Variants in HS3ST5 observed in about 807,000 individuals in gnomAD.
HS3ST5 encodes heparan sulfate glucosamine 3-O-sulfotransferase 5.
HS3ST5 carries 10 observed loss-of-function variants against 25.4 expected under a neutral mutation model. The observed-to-expected ratio is 0.39, with a 90% CI of 0.24 to 0.67. HS3ST5 has a LOEUF of 0.67. Among genes scored for constraint, HS3ST5 ranks in the 30% least tolerant of loss-of-function variants. HS3ST5 has a pLI of 0.44. For synonymous variants in HS3ST5, 170 were observed against 162.4 expected, an observed-to-expected ratio of 1.05 and a Z score of -0.36; for missense variants, 324 against 420.7, an observed-to-expected ratio of 0.77 and a Z score of 2.01.
intron 3 of HS3ST5, among the ~76,000 whole-genome samples, chr6:114,140,670 A>G (rs1777859706): frequency 6.6e-6 from 1 of 152,192 alleles, no homozygotes. Flanking sequence ...CCAACGGTAC[A>G]CAGAAGAGCA....
intron 1 of HS3ST5, among the ~76,000 whole-genome samples, chr6:114,326,451 C>T (rs951910468): frequency 3.3e-5 from 5 of 152,114 alleles, no homozygotes; most frequent in Non-Finnish European, 5.9e-5. Flanking sequence ...ATGACTGAAA[C>T]AGGAATGACA....
At chr6:114,339,363 G>C (rs149588917) in intron 1 of HS3ST5, among the ~76,000 whole-genome samples, 1 of 152,068 alleles carries the variant, frequency 6.6e-6, no homozygotes, top group African/African-American at 2.4e-5. Context: ...GACATGTCAA[G>C]AGCATCAAAT....
At chr6:114,229,782 A>G (rs922885573) in intron 1 of HS3ST5, among the ~76,000 whole-genome samples, 3 of 152,308 alleles carry the variant, frequency 2.0e-5, no homozygotes, top group Admixed American at 6.5e-5. Flanking sequence ...CTTGCCTTGA[A>G]TGACGACATG....
chr6:114,151,776 C>G lies in HS3ST5; in HGVS notation c.-33+16575G>C, dbSNP rs147742629. On this transcript the variant is annotated intron_variant, in intron 3 of 4. Coordinates refer to ENST00000312719, the MANE Select transcript of HS3ST5 (RefSeq NM_153612.4). ...AATGTAGAAAATTATATCAACACTT[C>G]ACAAGCTATAAATTAAAATAGAAAA... is the stretch of plus-strand genomic sequence containing the variant. Among the ~76,000 whole-genome samples the G allele has an allele frequency of 3.4e-3, 513 of 152,254 alleles. 1 individual carries two copies. The highest frequency in any genetic ancestry group is 0.012 in the African/African-American group (481 of 41,536).
chr6:114,132,183 A>G (rs1009506833), intron 3 of HS3ST5: 4 of 152,208 alleles, frequency 2.6e-5, no homozygotes, highest in Non-Finnish European at 5.9e-5. Context: ...ATGGTATGGT[A>G]TAGACAGCTG....
chr6:114,093,962 A>G (rs1318723657), intron 3 of HS3ST5, among the ~76,000 whole-genome samples: 2 of 152,226 alleles, frequency 1.3e-5, no homozygotes, highest in Non-Finnish European at 2.9e-5. Flanking sequence ...AAAGCTGTTT[A>G]TATATAATAA....
chr6:114,220,338 GCAGA>G (rs1781970843), intron 2 of HS3ST5, among the ~76,000 whole-genome samples: 1 of 151,950 alleles, frequency 6.6e-6, no homozygotes, highest in South Asian at 2.1e-4. Flanking sequence ...CCTAGGCTTA[GCAGA>G]CAGTCTTTTA....
intron 2 of HS3ST5, among the ~76,000 whole-genome samples, chr6:114,193,710 C>T (rs886415877): frequency 2.6e-5 from 4 of 152,142 alleles, no homozygotes; most frequent in African/African-American, 9.7e-5. Flanking sequence ...TGTTAACTAT[C>T]AGTATTATTA....
chr6:114,292,531 A>T (rs901012428), intron 1 of HS3ST5, among the ~76,000 whole-genome samples: 5 of 152,240 alleles, frequency 3.3e-5, no homozygotes. Context: ...TCTGTGGGAC[A>T]TACTAAAACC....
intron 1 of HS3ST5, among the ~76,000 whole-genome samples, chr6:114,321,312 C>A (rs574692882): frequency 6.6e-6 from 1 of 152,200 alleles, no homozygotes; most frequent in African/African-American, 2.4e-5. Flanking sequence ...CTACCTTTAG[C>A]TGAAATTTCC....
chr6:114,271,553 A>C (rs1202107815), intron 1 of HS3ST5, among the ~76,000 whole-genome samples: 1 of 152,042 alleles, frequency 6.6e-6, no homozygotes, highest in Non-Finnish European at 1.5e-5. Flanking sequence ...ATACCTAAGA[A>C]GAAAGTTACA....
intron 1 of HS3ST5, among the ~76,000 whole-genome samples, chr6:114,257,063 T>A (rs1582764771): frequency 6.6e-6 from 1 of 152,180 alleles, no homozygotes; most frequent in Non-Finnish European, 1.5e-5. Context: ...TGAGACTTAT[T>A]CACTACCACA....
chr6:114,254,346 A>G (rs1164445754), intron 1 of HS3ST5, among the ~76,000 whole-genome samples: 1 of 152,258 alleles, frequency 6.6e-6, no homozygotes, highest in African/African-American at 2.4e-5. Context: ...GGAAAATAGT[A>G]TTAATATAAT....
intron 1 of HS3ST5, among the ~76,000 whole-genome samples, chr6:114,334,482 T>C (rs1463430227): frequency 6.6e-6 from 1 of 152,242 alleles, no homozygotes; most frequent in African/African-American, 2.4e-5. Flanking sequence ...TGCAGTCATG[T>C]ACTGCATAAC....
intron 2 of HS3ST5, among the ~76,000 whole-genome samples, chr6:114,178,069 A>G (rs1779803540): frequency 6.6e-6 from 1 of 152,200 alleles, no homozygotes; most frequent in Non-Finnish European, 1.5e-5. Flanking sequence ...ACTTGCTCTT[A>G]ACAGTTTTTG....
At chr6:114,106,019 A>G (rs549648377) in intron 3 of HS3ST5, among the ~76,000 whole-genome samples, 5 of 152,286 alleles carry the variant, frequency 3.3e-5, no homozygotes, top group African/African-American at 1.2e-4. Flanking sequence ...TGGGCTCAAC[A>G]AATCAGTTTT....
At chr6:114,138,085 C>T (rs4352709) in intron 3 of HS3ST5, among the ~76,000 whole-genome samples, 45,455 of 151,828 alleles carry the variant, frequency 0.3, 7,098 homozygotes, top group South Asian at 0.44. Context: ...TCTGAAGTCA[C>T]ATTGGTCAGA....
intron 1 of HS3ST5, among the ~76,000 whole-genome samples, chr6:114,237,030 C>G (rs1414926401): frequency 6.6e-6 from 1 of 152,134 alleles, no homozygotes; most frequent in Non-Finnish European, 1.5e-5. Context: ...AAAAATGAGT[C>G]TACATATGCT....
At chr6:114,157,283 A>G (rs1230961438) in intron 3 of HS3ST5, among the ~76,000 whole-genome samples, 1 of 152,138 alleles carries the variant, frequency 6.6e-6, no homozygotes, top group African/African-American at 2.4e-5. Flanking sequence ...CCAGCCTCTT[A>G]ACTGGTCTTC....
Sources: allele counts gnomAD v4.1 joint callset (sites outside exome capture counted in the v4.1 genomes callset), GRCh38; gene constraint gnomAD v4.1.1; transcripts MANE v1.5; gene names NCBI Gene and HGNC (gene_info 2026-07-23, HGNC 2026-07-21).